Variants in THOC1 observed in about 807,000 individuals in gnomAD.
The protein encoded by THOC1 is THO complex 1.
In THOC1, 29 loss-of-function variants were observed where a neutral mutation model predicts 97.3. That is an observed-to-expected ratio of 0.30 (90% confidence interval 0.22 to 0.41). The LOEUF is 0.41. Among genes scored for constraint, THOC1 ranks in the 10% least tolerant of loss-of-function variants. The pLI is 1.00. For missense variants in THOC1, 529 were observed against 761.9 expected (o/e 0.69, Z 3.60); for synonymous variants, 255 against 257.0 (o/e 0.99, Z 0.07).
At chr18:218,134 T>A (rs1037545815) in intron 18 of THOC1, among the ~76,000 whole-genome samples, 4 of 152,198 alleles carry the variant, frequency 2.6e-5, no homozygotes, top group African/African-American at 9.6e-5. Flanking sequence ...GCTAACCACA[T>A]GCCCTGTAGG....
chr18:237,539 CCAGA>C (rs1159294424), intron 11 of THOC1, among the ~76,000 whole-genome samples: 3 of 151,958 alleles, frequency 2.0e-5, no homozygotes, highest in South Asian at 2.1e-4. Flanking sequence ...TAAAATCTGC[CCAGA>C]CAATTAAGAA....
chr18:222,621 G>C (rs370830795), intron 17 of THOC1, among the ~76,000 whole-genome samples: 1 of 152,222 alleles, frequency 6.6e-6, no homozygotes, highest in African/African-American at 2.4e-5. Flanking sequence ...AGTTGGAAAC[G>C]ATGAGTTAAT....
chr18:225,520 A>T, intron 12 of THOC1, 117 bp from the exon 13 acceptor site: 1 of 788,376 alleles, frequency 1.3e-6, no homozygotes, highest in Non-Finnish European at 2.0e-6. Context: ...GTCAAAAATT[A>T]CCAAGACAAG....
chr18:246,810 C>T (rs1028169078), intron 10 of THOC1, among the ~76,000 whole-genome samples: 5 of 150,378 alleles, frequency 3.3e-5, no homozygotes, highest in Admixed American at 6.7e-5. Context: ...AACCCCGTCT[C>T]GACTAAAAAT....
rs1367500825 is a variant in THOC1, at chr18:242,778, C to G, written c.918+3546G>C. ...TTCTCATGACTTACCAAATCTATAT[C>G]AAAAGTTGAAAGTAACATCAGGCCC... On this transcript the variant is annotated intron_variant, in intron 11 of 20. Transcript: ENST00000261600. This position sits in a 1 kb window ranked among gnomAD's most constrained non-coding sequence, Gnocchi z 4.5. Among the ~76,000 whole-genome samples, 1 of 152,104 alleles carries G rather than the reference C, an allele frequency of 6.6e-6. No homozygotes were observed. Among genetic ancestry groups the G allele is most frequent in the Non-Finnish European group, 1.5e-5 (1 of 68,020 alleles).
At position 224,921 on chromosome 18, in the gene THOC1, T is replaced by C; in HGVS notation, c.1208+3A>G. The stretch of plus-strand genomic sequence containing the variant: ...ATTTACCTTTCTTTCAGTATGTATT[T>C]ACCTTTCTTTCACAAAACTTGGGCA... On this transcript the variant is annotated splice_donor_region_variant and intron_variant, in intron 15 of 20. Transcript: ENST00000261600. 1 of 1,565,940 alleles carries C rather than the reference T, an allele frequency of 6.4e-7. No homozygotes were observed. The highest frequency in any genetic ancestry group is 8.7e-7 in the Non-Finnish European group (1 of 1,153,054).
intron 1 of THOC1, 29 bp from the exon 2 acceptor site, chr18:265,559 T>G (rs923682574): frequency 6.6e-7 from 1 of 1,506,048 alleles, no homozygotes; most frequent in Non-Finnish European, 8.9e-7. Context: ...GGCAAATAAT[T>G]GTAAAGATTT....
rs112634308 is a variant in THOC1 at position 236,518 on chromosome 18, G to A, written c.919-9617C>T. 4.4e-3 allele frequency among the ~76,000 whole-genome samples: 669 copies of A among 151,382 alleles called. 2 individuals carry two copies. The highest frequency in any genetic ancestry group is 0.016 in the African/African-American group (641 of 41,300). ...ACTACAGGCGCCCGCTACCACGCCC[G>A]GCTAATTTTTTTTTTTTTGTATTTT... On this transcript the variant is annotated intron_variant, in intron 11 of 20. Coordinates refer to ENST00000261600, the MANE Select transcript of THOC1 (RefSeq NM_005131.3).
At chr18:262,542 T>C (rs1567858086) in intron 4 of THOC1, among the ~76,000 whole-genome samples, 1 of 152,202 alleles carries the variant, frequency 6.6e-6, no homozygotes, top group Non-Finnish European at 1.5e-5. Context: ...ACTTCTTCAT[T>C]AAAAACATCA....
At chr18:229,067 C>T (rs1911392686) in intron 11 of THOC1, among the ~76,000 whole-genome samples, 1 of 152,124 alleles carries the variant, frequency 6.6e-6, no homozygotes, top group South Asian at 2.1e-4. Context: ...ATCAGCTGCA[C>T]CTACACCTTT....
chr18:256,597 A>G (rs1912444046), intron 7 of THOC1, among the ~76,000 whole-genome samples: 1 of 152,186 alleles, frequency 6.6e-6, no homozygotes, highest in African/African-American at 2.4e-5. Flanking sequence ...AATGACAACA[A>G]AGGATTTATT....
At chr18:221,643 C>T (rs186056728) in intron 17 of THOC1, among the ~76,000 whole-genome samples, 1 of 126,256 alleles carries the variant, frequency 7.9e-6, no homozygotes, top group Non-Finnish European at 1.6e-5. Context: ...GAGTCTCGCT[C>T]TGTCGCCCAG....
At chr18:255,475 A>C (rs1333467556) in intron 7 of THOC1, among the ~76,000 whole-genome samples, 1 of 152,252 alleles carries the variant, frequency 6.6e-6, no homozygotes, top group Non-Finnish European at 1.5e-5. Context: ...GAAAGGCTTT[A>C]ACTCTCTTAT....
intron 11 of THOC1, among the ~76,000 whole-genome samples, chr18:238,388 T>C (rs774353588): frequency 3.9e-5 from 6 of 152,204 alleles, no homozygotes; most frequent in Non-Finnish European, 7.4e-5. Context: ...CAACTTTCTG[T>C]ACTAATAATG....
At chr18:256,827 C>G (rs964844596) in intron 7 of THOC1, among the ~76,000 whole-genome samples, 7 of 152,046 alleles carry the variant, frequency 4.6e-5, no homozygotes, top group Non-Finnish European at 8.8e-5. Flanking sequence ...AGAAATCTTT[C>G]GTGAAAGGAA....
chr18:256,191 G>A (rs1912430263), intron 7 of THOC1, among the ~76,000 whole-genome samples: 1 of 90,560 alleles, frequency 1.1e-5, no homozygotes, highest in Non-Finnish European at 2.4e-5. Flanking sequence ...ATTTCATGAG[G>A]CTATAGCTAC....
chr18:258,314 AT>A (rs1424669238), intron 7 of THOC1, among the ~76,000 whole-genome samples: 1 of 152,162 alleles, frequency 6.6e-6, no homozygotes, highest in Non-Finnish European at 1.5e-5. Context: ...AGGAAAAAAA[AT>A]AAAGGAGAAG....
chr18:220,383 T>G (rs756131678), intron 17 of THOC1, among the ~76,000 whole-genome samples: 5 of 152,204 alleles, frequency 3.3e-5, no homozygotes, highest in Non-Finnish European at 7.4e-5. Flanking sequence ...AAAATGCTAG[T>G]TGAAATTACT....
chr18:255,312 CAGTT>C, intron 7 of THOC1, among the ~76,000 whole-genome samples: 1 of 152,326 alleles, frequency 6.6e-6, no homozygotes, highest in South Asian at 2.1e-4. Flanking sequence ...TTGCGCTTAA[CAGTT>C]AGCCAAGTTG....
Sources: allele counts gnomAD v4.1 joint callset (sites outside exome capture counted in the v4.1 genomes callset), GRCh38; gene constraint gnomAD v4.1.1; non-coding constraint Gnocchi (gnomAD v3.1); transcripts MANE v1.5; gene names NCBI Gene and HGNC (gene_info 2026-07-23, HGNC 2026-07-21).